Variants in CXCL13 observed in about 807,000 individuals in gnomAD.
The protein encoded by CXCL13 is C-X-C motif chemokine ligand 13, also known as C-X-C motif chemokine 13.
A neutral mutation model predicts 12.2 loss-of-function variants in CXCL13; 7 were observed. The ratio of observed to expected loss-of-function variants is 0.57; its 90% CI spans 0.33 to 1.07. The LOEUF is 1.07. CXCL13 is among the 50% of genes least tolerant of loss of function. The probability of loss-of-function intolerance (pLI) is 0.04; values close to 1 mark genes in which losing one functional copy is unlikely to be tolerated. For missense variants in CXCL13, 113 were observed against 127.4 expected (o/e 0.89, Z 0.55); for synonymous variants, 47 against 42.4 (o/e 1.11, Z -0.42).
chr4:77,531,044 T>C (rs1724902829), intron 1 of CXCL13, among the ~76,000 whole-genome samples: 1 of 151,466 alleles, frequency 6.6e-6, no homozygotes, highest in African/African-American at 2.4e-5. Flanking sequence ...CCAGTAGTCA[T>C]TCAGGAGCAA....
chr4:77,589,635 C>T (rs975628657), intron 1 of CXCL13, among the ~76,000 whole-genome samples: 1 of 152,042 alleles, frequency 6.6e-6, no homozygotes, highest in African/African-American at 2.4e-5. Context: ...GAACATACAC[C>T]CCACGAATAA....
At chr4:77,521,422 A>C (rs1053920711) in intron 1 of CXCL13, among the ~76,000 whole-genome samples, 1 of 152,106 alleles carries the variant, frequency 6.6e-6, no homozygotes, top group African/African-American at 2.4e-5. Flanking sequence ...CAGAGATTCA[A>C]CTTCTTCCTG....
At chr4:77,529,656 C>T (rs780502854) in intron 1 of CXCL13, among the ~76,000 whole-genome samples, 21 of 152,156 alleles carry the variant, frequency 1.4e-4, no homozygotes, top group South Asian at 4.1e-4. Flanking sequence ...AGTTGCCTAT[C>T]GGCTTAAGGA....
intron 1 of CXCL13, among the ~76,000 whole-genome samples, chr4:77,536,418 C>G (rs1360544346): frequency 6.6e-6 from 1 of 152,158 alleles, no homozygotes; most frequent in East Asian, 1.9e-4. Flanking sequence ...AGTTTAATCA[C>G]TAAGAGTATA....
intron 1 of CXCL13, among the ~76,000 whole-genome samples, chr4:77,577,803 G>A (rs1726231596): frequency 6.6e-6 from 1 of 152,088 alleles, no homozygotes; most frequent in South Asian, 2.1e-4. Flanking sequence ...GAAGAGAAGG[G>A]AACCAGGGAG....
chr4:77,526,789 T>C (rs575856073), intron 1 of CXCL13, among the ~76,000 whole-genome samples: 2 of 152,038 alleles, frequency 1.3e-5, no homozygotes, highest in Non-Finnish European at 2.9e-5. Flanking sequence ...AGGACTGGCT[T>C]AGGGAGGCCA....
At chr4:77,559,512 C>T (rs1282512979) in intron 1 of CXCL13, among the ~76,000 whole-genome samples, 1 of 152,160 alleles carries the variant, frequency 6.6e-6, no homozygotes, top group East Asian at 1.9e-4. Flanking sequence ...CTTCTTCATT[C>T]TGGGGAGAGT....
intron 1 of CXCL13, among the ~76,000 whole-genome samples, chr4:77,564,142 G>A (rs1463188221): frequency 1.3e-5 from 2 of 152,178 alleles, no homozygotes; most frequent in African/African-American, 2.4e-5. Flanking sequence ...TTTGAAGTAC[G>A]AATTTTCATG....
chr4:77,572,982 GA>G (rs947585728), intron 1 of CXCL13, among the ~76,000 whole-genome samples: 7 of 150,394 alleles, frequency 4.7e-5, no homozygotes, highest in African/African-American at 9.8e-5. Flanking sequence ...ACTAACACAG[GA>G]AAAAAAAACT....
intron 1 of CXCL13, among the ~76,000 whole-genome samples, chr4:77,543,650 G>A (rs974913106): frequency 1.3e-5 from 2 of 151,978 alleles, no homozygotes; most frequent in African/African-American, 2.4e-5. Context: ...TAATTTTCAT[G>A]TAATTGTGTG....
intron 3 of CXCL13, 84 bp downstream of exon 3, chr4:77,610,778 C>A: frequency 9.2e-7 from 1 of 1,081,446 alleles, no homozygotes; most frequent in Non-Finnish European, 1.4e-6. Flanking sequence ...TAGGGACTAG[C>A]TTGAATTTAT....
chr4:77,600,893 C>CA (rs1188190823), upstream of CXCL13, among the ~76,000 whole-genome samples: 1 of 151,974 alleles, frequency 6.6e-6, no homozygotes, highest in Non-Finnish European at 1.5e-5. Context: ...TCAGCCTAAT[C>CA]AAAAAAATCT....
chr4:77,546,659 G>A (rs148155112), intron 1 of CXCL13, among the ~76,000 whole-genome samples: 1,595 of 151,320 alleles, frequency 0.011, 34 homozygotes, highest in African/African-American at 0.036. Flanking sequence ...TCTTGCTAGC[G>A]GTCTATTTTG....
intron 1 of CXCL13, among the ~76,000 whole-genome samples, chr4:77,565,747 G>A (rs1169420005): frequency 6.6e-6 from 1 of 152,096 alleles, no homozygotes; most frequent in East Asian, 1.9e-4. Context: ...CTGTCATGAC[G>A]ATGGTCACTT....
chr4:77,577,230 T>G (rs767606681), intron 1 of CXCL13, among the ~76,000 whole-genome samples: 93 of 152,204 alleles, frequency 6.1e-4, no homozygotes, highest in Non-Finnish European at 1.2e-3. Context: ...TTAGCAAGCC[T>G]CCTTAACCAT....
chr4:77,566,913 A>G (rs888556072), intron 1 of CXCL13, among the ~76,000 whole-genome samples: 1 of 152,222 alleles, frequency 6.6e-6, no homozygotes, highest in Non-Finnish European at 1.5e-5. Flanking sequence ...AAGCTAAGCC[A>G]TCATATCCCC....
chr4:77,591,550 CAAAAAAAA>C (rs780283463), intron 1 of CXCL13, among the ~76,000 whole-genome samples: 36 of 48,614 alleles, frequency 7.4e-4, no homozygotes, highest in African/African-American at 2.2e-3. Context: ...GACTCCATCT[CAAAAAAAA>C]AAAAAAAAAA....
chr4:77,582,460 A>T (rs764819385), intron 1 of CXCL13, among the ~76,000 whole-genome samples: 3 of 152,196 alleles, frequency 2.0e-5, no homozygotes, highest in Non-Finnish European at 2.9e-5. Flanking sequence ...ATTTCTACTC[A>T]TCCTTTGCTT....
intron 1 of CXCL13, among the ~76,000 whole-genome samples, chr4:77,527,655 A>G (rs1308630179): frequency 6.6e-6 from 1 of 152,008 alleles, no homozygotes; most frequent in African/African-American, 2.4e-5. Context: ...AGAAAGAAAG[A>G]AAAGAAATGA....
Sources: gnomAD v4.1 joint callset for allele counts (sites outside exome capture counted in the v4.1 genomes callset) on GRCh38, gnomAD v4.1.1 for gene constraint, MANE v1.5 for transcripts, NCBI Gene and HGNC (gene_info 2026-07-23, HGNC 2026-07-21) for gene names.